Variants in CMSS1 observed in about 807,000 individuals in gnomAD.
CMSS1 encodes the protein protein CMSS1.
Under a neutral mutation model 43.5 loss-of-function variants are expected in CMSS1, and 33 were observed. The observed-to-expected ratio is 0.76, with a 90% CI of 0.57 to 1.01. The LOEUF is 1.01. CMSS1 is among the 50% of genes least tolerant of loss of function. The pLI is 0.00. For missense variants in CMSS1, 313 were observed against 326.4 expected (o/e 0.96, Z 0.32); for synonymous variants, 115 against 117.2 (o/e 0.98, Z 0.12).
chr3:100,109,551 T>TC (rs1392577313), intron 1 of CMSS1, among the ~76,000 whole-genome samples: 3 of 152,142 alleles, frequency 2.0e-5, no homozygotes, highest in Non-Finnish European at 4.4e-5. Context: ...GGGGGTTTTT[T>TC]CCCACAATGT....
At chr3:99,978,497 G>A (rs185328343) in intron 1 of CMSS1, among the ~76,000 whole-genome samples, 75 of 152,334 alleles carry the variant, frequency 4.9e-4, no homozygotes, top group African/African-American at 1.7e-3. Context: ...ACATGGATGA[G>A]CCTGGAGGGC....
Position 100,017,528 on chromosome 3 carries a change from T to C in CMSS1, c.65-129445T>C, listed in dbSNP as rs1710379235. Among the ~76,000 whole-genome samples, 4 of 151,998 alleles carry C rather than the reference T, an allele frequency of 2.6e-5. No individual in the cohort carries two copies. The South Asian group carries it at 8.3e-4, about 32-fold the overall frequency. On this transcript the variant is annotated intron_variant, in intron 1 of 9. Coordinates refer to ENST00000421999, the MANE Select transcript of CMSS1 (RefSeq NM_032359.4). Reference sequence around the variant, plus strand: ...AGTAAGCACCATAGTAACCAAAGAGTGAAATTATTGTATATGTACTTTGTG... The same window carrying C: ...AGTAAGCACCATAGTAACCAAAGAGCGAAATTATTGTATATGTACTTTGTG...
chr3:100,082,348 A>G (rs1246144232), intron 1 of CMSS1, among the ~76,000 whole-genome samples: 1 of 152,232 alleles, frequency 6.6e-6, no homozygotes, highest in Non-Finnish European at 1.5e-5. Flanking sequence ...TATAGCAAAA[A>G]CTTAAAAGGA....
chr3:100,028,403 C>G (rs1207113274), intron 1 of CMSS1, among the ~76,000 whole-genome samples: 9 of 152,096 alleles, frequency 5.9e-5, no homozygotes, highest in Admixed American at 5.9e-4. Context: ...TGCTATATTC[C>G]AGGCAACAGC....
intron 1 of CMSS1, among the ~76,000 whole-genome samples, chr3:100,020,299 G>A (rs754861635): frequency 8.6e-5 from 13 of 151,822 alleles, no homozygotes; most frequent in African/African-American, 9.7e-5. Context: ...CTGTATTCTC[G>A]CATTTAGGAC....
chr3:99,914,233 T>C (rs1706882560), intron 1 of CMSS1, among the ~76,000 whole-genome samples: 3 of 152,136 alleles, frequency 2.0e-5, no homozygotes, highest in African/African-American at 4.8e-5. Flanking sequence ...AGACTTGATA[T>C]AGGATATATG....
chr3:100,054,592 C>T (rs1032402808), intron 1 of CMSS1, among the ~76,000 whole-genome samples: 3 of 152,108 alleles, frequency 2.0e-5, no homozygotes, highest in Non-Finnish European at 2.9e-5. Flanking sequence ...GAACTATCCA[C>T]TCCTGGCCCA....
At chr3:100,107,228 G>C (rs796525578) in intron 1 of CMSS1, among the ~76,000 whole-genome samples, 5 of 152,256 alleles carry the variant, frequency 3.3e-5, no homozygotes, top group African/African-American at 1.2e-4. Flanking sequence ...AAGATGAACT[G>C]TCCAGATGTA....
intron 1 of CMSS1, chr3:99,924,181 C>T: frequency 2.0e-6 from 3 of 1,504,340 alleles, no homozygotes; most frequent in Non-Finnish European, 2.7e-6. Flanking sequence ...GTACAGTGGC[C>T]AGCTCATAGA....
chr3:100,127,823 GGAA>G (rs1244189232), intron 1 of CMSS1, among the ~76,000 whole-genome samples: 2 of 152,160 alleles, frequency 1.3e-5, no homozygotes, highest in Non-Finnish European at 2.9e-5. Context: ...AAGGGAAGCA[GGAA>G]GAAAGGCTGG....
At chr3:99,925,947 G>A (rs1175065911) in intron 1 of CMSS1, 5 of 917,712 alleles carry the variant, frequency 5.4e-6, no homozygotes, top group Admixed American at 6.2e-5. Context: ...GAGCTAACTC[G>A]GGATCTTTTG....
At chr3:99,867,457 C>A (rs1251379253) in intron 1 of CMSS1, among the ~76,000 whole-genome samples, 1 of 152,154 alleles carries the variant, frequency 6.6e-6, no homozygotes, top group Non-Finnish European at 1.5e-5. Flanking sequence ...CACTATTCAT[C>A]GCTTTTTAAA....
In CMSS1 at chr3:100,180,104, G is replaced by A. The variant is rs751685337; in HGVS notation, c.*1716G>A. The A allele has an allele frequency of 1.3e-5, 2 of 152,242 alleles. No individual in the cohort carries two copies. Among genetic ancestry groups the A allele is most frequent in the Non-Finnish European group, 2.9e-5 (2 of 68,102 alleles). The allele number at this position is 152,242 out of a possible 1,614,324, so 9.4% of individuals were successfully genotyped here. ...TGGGAATTAGGCTGCCATGTCCTAA[G>A]GCTGCACAGAGCAGCTGGGCCCAGG... On this transcript the variant is annotated 3_prime_UTR_variant, in exon 10 of 10. Coordinates refer to ENST00000421999, the MANE Select transcript of CMSS1 (RefSeq NM_032359.4).
intron 1 of CMSS1, chr3:99,924,448 T>C (rs550998103): frequency 1.9e-5 from 29 of 1,560,398 alleles, no homozygotes; most frequent in Middle Eastern, 1.7e-4. Context: ...CCAAATTGTT[T>C]ATATACTGTT....
intron 1 of CMSS1, among the ~76,000 whole-genome samples, chr3:99,965,742 A>G (rs1487720083): frequency 6.6e-6 from 1 of 152,170 alleles, no homozygotes; most frequent in Non-Finnish European, 1.5e-5. Context: ...CCTGAGTTTT[A>G]GGTTAAATGA....
chr3:99,886,613 A>C (rs1374368433), intron 1 of CMSS1, among the ~76,000 whole-genome samples: 1 of 152,194 alleles, frequency 6.6e-6, no homozygotes, highest in Non-Finnish European at 1.5e-5. Flanking sequence ...AAAAAAATTA[A>C]CATTAAATTA....
At chr3:100,096,920 T>TA (rs1414985780) in intron 1 of CMSS1, among the ~76,000 whole-genome samples, 1 of 151,964 alleles carries the variant, frequency 6.6e-6, no homozygotes, top group Non-Finnish European at 1.5e-5. Context: ...AAATTAAAAA[T>TA]AAAAAAATTT....
At position 99,827,626 on chromosome 3, in the gene CMSS1, C is replaced by T. The variant is rs1225679032; in HGVS notation, c.64+9583C>T. On this transcript the variant is annotated intron_variant, in intron 1 of 9. Transcript: ENST00000421999. ...AATTTTTTCTTTTTTTAATTTGAGA[C>T]GGAGTTTTGCTCTTACTGCCCAGGC... is the stretch of plus-strand genomic sequence containing the variant. 7.2e-5 allele frequency among the ~76,000 whole-genome samples: 11 copies of T among 152,032 alleles called. No homozygotes were observed. In the South Asian group the frequency reaches 1.7e-3, roughly 23 times the overall value.
intron 1 of CMSS1, among the ~76,000 whole-genome samples, chr3:99,959,495 AAAG>A (rs1459449828): frequency 7.9e-5 from 12 of 152,222 alleles, no homozygotes; most frequent in South Asian, 6.2e-4. Flanking sequence ...TAAATATTAA[AAAG>A]AAGAGGAATT....
Sources: gnomAD v4.1 joint callset for allele counts (sites outside exome capture counted in the v4.1 genomes callset) on GRCh38, gnomAD v4.1.1 for gene constraint, MANE v1.5 for transcripts, NCBI Gene and HGNC (gene_info 2026-07-23, HGNC 2026-07-21) for gene names.